Variants in TMEM117 observed in about 807,000 individuals in gnomAD.
TMEM117 encodes transmembrane protein 117.
Under a neutral mutation model 52.4 loss-of-function variants are expected in TMEM117, and 27 were observed. That is an observed-to-expected ratio of 0.51 (90% CI 0.38 to 0.71). The LOEUF is 0.71. TMEM117 is among the 30% of genes least tolerant of loss of function. The pLI, the probability that TMEM117 is intolerant of heterozygous loss-of-function variation, is 0.00. For missense variants in TMEM117, 556 were observed against 630.5 expected (o/e 0.88, Z 1.26); for synonymous variants, 215 against 206.3 (o/e 1.04, Z -0.36).
intron 3 of TMEM117, among the ~76,000 whole-genome samples, chr12:44,104,883 T>C (rs79650179): frequency 0.019 from 2,853 of 151,932 alleles, 69 homozygotes; most frequent in East Asian, 0.057. Context: ...GGTATTTTTT[T>C]CCCCTGGGTT....
At chr12:44,056,361 T>G (rs964477860) in intron 3 of TMEM117, among the ~76,000 whole-genome samples, 4 of 152,204 alleles carry the variant, frequency 2.6e-5, no homozygotes, top group African/African-American at 7.2e-5. Flanking sequence ...TCCAAACCTC[T>G]TTTCTCAAAC....
At chr12:43,813,994 A>G in the TMEM117 span, among the ~76,000 whole-genome samples, 1 of 152,138 alleles carries the variant, frequency 6.6e-6, no homozygotes, top group South Asian at 2.1e-4. Context: ...TTTCAGGTAT[A>G]TTCATACTGT....
At position 43,912,507 on chromosome 12, in the gene TMEM117, T is replaced by TTATATATATATATATA. The variant is rs56170922; in HGVS notation, c.278-31689_278-31674dup. Among the ~76,000 whole-genome samples the TTATATATATATATATA allele has an allele frequency of 9.5e-3, 1,250 of 131,598 alleles. 78 individuals carry two copies. Among genetic ancestry groups the TTATATATATATATATA allele is most frequent in the African/African-American group, 0.031 (763 of 24,762 alleles). The allele number at this position is 131,598 out of a possible 152,430, so 86.3% of individuals were successfully genotyped here. ...AAACTTAAAGTATAATAATAATAAT[T>TTATATATATATATATA]TATATATATATATATATATATATAT... On this transcript the variant is annotated intron_variant, in intron 2 of 7. Coordinates refer to ENST00000266534, the MANE Select transcript of TMEM117 (RefSeq NM_032256.3).
chr12:43,990,784 A>G (rs978214292), intron 3 of TMEM117, among the ~76,000 whole-genome samples: 3 of 152,308 alleles, frequency 2.0e-5, no homozygotes, highest in African/African-American at 7.2e-5. Flanking sequence ...ACCTGCCCAA[A>G]GTCCCCGAGC....
intron 5 of TMEM117, among the ~76,000 whole-genome samples, chr12:44,262,158 G>T (rs576002290): frequency 6.6e-6 from 1 of 152,216 alleles, no homozygotes; most frequent in East Asian, 1.9e-4. Flanking sequence ...AAGTGTAAAA[G>T]GTTATGCTGA....
At chr12:44,248,006 G>A (rs552817737) in intron 5 of TMEM117, among the ~76,000 whole-genome samples, 1 of 152,298 alleles carries the variant, frequency 6.6e-6, no homozygotes, top group African/African-American at 2.4e-5. Context: ...ATGAGAATGA[G>A]GACTTGGGTT....
chr12:44,330,414 T>G (rs962454045), intron 6 of TMEM117, among the ~76,000 whole-genome samples: 1 of 152,078 alleles, frequency 6.6e-6, no homozygotes, highest in Non-Finnish European at 1.5e-5. Context: ...GTAAGTTTTC[T>G]AGCAGCCACA....
intron 2 of TMEM117, among the ~76,000 whole-genome samples, chr12:43,935,977 G>C (rs918226271): frequency 6.6e-6 from 1 of 152,170 alleles, no homozygotes; most frequent in Non-Finnish European, 1.5e-5. Flanking sequence ...GGATGGGAGT[G>C]GTGAGGGAGG....
intron 3 of TMEM117, among the ~76,000 whole-genome samples, chr12:44,104,996 G>A (rs761824516): frequency 2.0e-5 from 3 of 151,870 alleles, no homozygotes; most frequent in Non-Finnish European, 4.4e-5. Context: ...GAGCTTCCTG[G>A]ATCTGTGGTT....
intron 4 of TMEM117, among the ~76,000 whole-genome samples, chr12:44,210,427 G>T (rs1949630524): frequency 6.6e-6 from 1 of 152,114 alleles, no homozygotes; most frequent in Non-Finnish European, 1.5e-5. Flanking sequence ...AATGTACTTT[G>T]TTAATGGATC....
chr12:44,387,075 A>G (rs933687247), intron 7 of TMEM117, among the ~76,000 whole-genome samples: 3 of 151,876 alleles, frequency 2.0e-5, no homozygotes, highest in African/African-American at 7.2e-5. Context: ...CAGCAAACCT[A>G]TGAGGTAGGT....
intron 3 of TMEM117, among the ~76,000 whole-genome samples, chr12:43,951,247 AG>A (rs1945216167): frequency 6.6e-6 from 1 of 152,152 alleles, no homozygotes; most frequent in Non-Finnish European, 1.5e-5. Flanking sequence ...GAGCTGCAGG[AG>A]TTTTTTACAT....
intron 3 of TMEM117, among the ~76,000 whole-genome samples, chr12:44,099,516 C>G (rs1388573290): frequency 1.3e-5 from 2 of 151,972 alleles, no homozygotes; most frequent in Non-Finnish European, 2.9e-5. Flanking sequence ...GTGTCTAAAA[C>G]TTTAAAACTT....
At chr12:44,066,693 A>G (rs1947226418) in intron 3 of TMEM117, among the ~76,000 whole-genome samples, 1 of 152,212 alleles carries the variant, frequency 6.6e-6, no homozygotes, top group Non-Finnish European at 1.5e-5. Flanking sequence ...AAAAAATGCT[A>G]ATGATCATTT....
At chr12:43,873,889 TTC>T (rs1943748004) in intron 2 of TMEM117, among the ~76,000 whole-genome samples, 1 of 152,230 alleles carries the variant, frequency 6.6e-6, no homozygotes, top group Admixed American at 6.5e-5. Context: ...TATACTTGTT[TTC>T]TCTTTCATTT....
At chr12:44,311,656 T>C (rs1039080617) in intron 6 of TMEM117, among the ~76,000 whole-genome samples, 13 of 150,348 alleles carry the variant, frequency 8.6e-5, no homozygotes, top group Non-Finnish European at 1.9e-4. Flanking sequence ...TGCTGTATTA[T>C]ACATAATGTT....
intron 2 of TMEM117, among the ~76,000 whole-genome samples, chr12:43,861,009 C>T (rs985582548): frequency 6.6e-6 from 1 of 152,092 alleles, no homozygotes; most frequent in Non-Finnish European, 1.5e-5. Flanking sequence ...ACCTCACCTC[C>T]CTCCCTCCAG....
chr12:44,355,982 AT>A (rs1268602662), intron 6 of TMEM117, among the ~76,000 whole-genome samples: 1 of 152,006 alleles, frequency 6.6e-6, no homozygotes, highest in Admixed American at 6.6e-5. Flanking sequence ...GTTCATGGAC[AT>A]TGTCTTCTGC....
rs75397393 is a variant in TMEM117, at chr12:44,128,752, T to G, written c.411-14773T>G. ...GGGATTTTATGTATGCCCAGCAGAT[T>G]TAAGCTGATTGTGTAGAAATATCTG... is the stretch of plus-strand genomic sequence containing the variant. On this transcript the variant is annotated intron_variant, in intron 3 of 7. Coordinates refer to ENST00000266534, the MANE Select transcript of TMEM117 (RefSeq NM_032256.3). 2.0e-5 allele frequency among the ~76,000 whole-genome samples: 3 copies of G among 152,346 alleles called. No homozygotes were observed. The East Asian group carries it at 5.8e-4, about 29-fold the overall frequency.
Sources: allele counts gnomAD v4.1 joint callset (sites outside exome capture counted in the v4.1 genomes callset), GRCh38; gene constraint gnomAD v4.1.1; transcripts MANE v1.5; gene names NCBI Gene and HGNC (gene_info 2026-07-23, HGNC 2026-07-21).